Variants in C17orf67 observed in about 807,000 individuals in gnomAD.
C17orf67 encodes the protein uncharacterized protein C17orf67.
Under a neutral mutation model 11.2 loss-of-function variants are expected in C17orf67, and 12 were observed. That is an observed-to-expected ratio of 1.07 (90% CI 0.68 to 1.73). C17orf67 has a LOEUF of 1.73. C17orf67 is among the 40% of genes most tolerant of loss of function. C17orf67 has a pLI of 0.00. For missense variants in C17orf67, 115 were observed against 113.5 expected, an observed-to-expected ratio of 1.01 and a Z score of -0.06; for synonymous variants, 59 against 46.9, an observed-to-expected ratio of 1.26 and a Z score of -1.05.
intron 6 of C17orf67, among the ~76,000 whole-genome samples, chr17:56,807,844 C>T (rs1375143056): frequency 1.3e-5 from 2 of 151,510 alleles, no homozygotes; most frequent in African/African-American, 2.4e-5. Flanking sequence ...GAGCCATGAT[C>T]GCACCACTGC....
intron 6 of C17orf67, among the ~76,000 whole-genome samples, chr17:56,803,294 T>A (rs1399396632): frequency 6.6e-6 from 1 of 152,204 alleles, no homozygotes. Context: ...TTTACAGTAT[T>A]TATTAAATAG....
intron 4 of C17orf67, among the ~76,000 whole-genome samples, chr17:56,819,585 G>C (rs575025036): frequency 1.2e-4 from 19 of 152,300 alleles, no homozygotes; most frequent in African/African-American, 4.3e-4. Context: ...GCAAGTCTCG[G>C]GTGGGGAGGG....
chr17:56,794,293 A>T (rs139653216), intron 7 of C17orf67, among the ~76,000 whole-genome samples: 74 of 152,296 alleles, frequency 4.9e-4, no homozygotes, highest in African/African-American at 1.8e-3. Context: ...CACAAAGATA[A>T]ACTACCTGAT....
Position 56,833,665 on chromosome 17 carries a change from C to A in C17orf67, c.-1049G>T, listed in dbSNP as rs1906330682. On this transcript the variant is annotated 5_prime_UTR_variant, in exon 1 of 8. Coordinates refer to ENST00000397861, the MANE Select transcript of C17orf67 (RefSeq NM_001085430.4). ...GGGCGGTGCCGCGCAGGCCGCCTCC[C>A]CCCCTCGCTTCCCAGTCGGCTTACG... The A allele has an allele frequency of 6.6e-6, 1 of 151,998 alleles. No individual in the cohort carries two copies. The highest frequency in any genetic ancestry group is 2.1e-4 in the South Asian group (1 of 4,834). 9.4% of individuals were successfully genotyped at this position (151,998 alleles called of 1,614,324 possible). A position where few individuals can be genotyped will look rare whatever the true frequency, so the allele number is the denominator to read the frequency against.
chr17:56,811,576 G>C (rs1905628054), intron 6 of C17orf67, among the ~76,000 whole-genome samples: 1 of 151,910 alleles, frequency 6.6e-6, no homozygotes, highest in South Asian at 2.1e-4. Flanking sequence ...CAGAGCCGCA[G>C]TCCATTGTAC....
At chr17:56,831,672 A>G (rs1447769392) in intron 2 of C17orf67, among the ~76,000 whole-genome samples, 1 of 152,182 alleles carries the variant, frequency 6.6e-6, no homozygotes, top group East Asian at 1.9e-4. Context: ...AAAAGCCTCA[A>G]GAGTGACCTC....
intron 6 of C17orf67, among the ~76,000 whole-genome samples, chr17:56,810,128 GCA>G (rs1331893476): frequency 2.2e-4 from 15 of 67,156 alleles, no homozygotes; most frequent in Admixed American, 6.5e-4. Flanking sequence ...CACACTCCTT[GCA>G]CAGACCCCTC....
chr17:56,813,820 AT>A (rs1014920614), intron 6 of C17orf67, among the ~76,000 whole-genome samples: 2 of 151,248 alleles, frequency 1.3e-5, no homozygotes, highest in African/African-American at 4.8e-5. Context: ...TTACATTATT[AT>A]TTATAATAAT....
intron 6 of C17orf67, among the ~76,000 whole-genome samples, chr17:56,810,121 A>G (rs1265669685): frequency 1.2e-5 from 1 of 81,800 alleles, no homozygotes; most frequent in East Asian, 3.3e-4. Flanking sequence ...ACACCCTCAC[A>G]CTCCTTGCAC....
chr17:56,807,334 G>T (rs1905477502), intron 6 of C17orf67, among the ~76,000 whole-genome samples: 1 of 152,220 alleles, frequency 6.6e-6, no homozygotes, highest in African/African-American at 2.4e-5. Context: ...AACGTGTACT[G>T]GTTCCCAGTC....
At chr17:56,809,947 ACATACTCCTCACT>A (rs1315217098) in intron 6 of C17orf67, among the ~76,000 whole-genome samples, 35 of 138,382 alleles carry the variant, frequency 2.5e-4, no homozygotes, top group African/African-American at 9.8e-4. Context: ...TACTCCTCAC[ACATACTCCTCACT>A]CACCTCACAC....
At chr17:56,828,799 A>G (rs900474834) in intron 2 of C17orf67, among the ~76,000 whole-genome samples, 1 of 150,390 alleles carries the variant, frequency 6.6e-6, no homozygotes, top group Admixed American at 6.7e-5. Context: ...TTGCAGAAAC[A>G]CTGGATTCAC....
chr17:56,814,864 C>T lies in C17orf67; in HGVS notation c.156+5G>A, dbSNP rs1202007609. On this transcript the variant is annotated splice_donor_5th_base_variant and intron_variant, in intron 6 of 7. Transcript: ENST00000397861. The stretch of plus-strand genomic sequence containing the variant: ...TCTTTAAAACTGCCAGAGCAAAGCA[C>T]TCACCCGCATTGGCTCATCGGGGAA... 13 of 1,613,278 alleles carry T rather than the reference C, an allele frequency of 8.1e-6. No individual in the cohort carries two copies. Among genetic ancestry groups the T allele is most frequent in the African/African-American group, 1.3e-5 (1 of 74,900 alleles).
At chr17:56,830,929 G>C (rs990547359) in intron 2 of C17orf67, among the ~76,000 whole-genome samples, 3 of 152,230 alleles carry the variant, frequency 2.0e-5, no homozygotes, top group African/African-American at 7.2e-5. Context: ...GGGTAGAACT[G>C]ACAATAGCCC....
chr17:56,794,796 G>A lies in C17orf67; in HGVS notation c.*20+248C>T, dbSNP rs528195825. Reference sequence around the variant, plus strand: ...TTTTCTGCATGGCAAATAGGGTCACGTCCCTCCCCATTCGGGATCACTTTG... The same window carrying A: ...TTTTCTGCATGGCAAATAGGGTCACATCCCTCCCCATTCGGGATCACTTTG... On this transcript the variant is annotated intron_variant, in intron 7 of 7. Transcript: ENST00000397861. Among the ~76,000 whole-genome samples the A allele has an allele frequency of 3.9e-4, 59 of 152,258 alleles. 1 individual carries two copies. The highest frequency in any genetic ancestry group is 1.3e-3 in the African/African-American group (53 of 41,552).
chr17:56,806,815 A>G (rs530666569), intron 6 of C17orf67, among the ~76,000 whole-genome samples: 9 of 152,352 alleles, frequency 5.9e-5, no homozygotes, highest in African/African-American at 1.9e-4. Flanking sequence ...CAAGACAGGA[A>G]GTAGGGAGAC....
At chr17:56,796,435 C>T (rs1738941924) in intron 6 of C17orf67, among the ~76,000 whole-genome samples, 1 of 152,158 alleles carries the variant, frequency 6.6e-6, no homozygotes. Flanking sequence ...GTGACAGAAG[C>T]CACTTAGGAC....
intron 6 of C17orf67, chr17:56,803,858 TA>T (rs1905383138): frequency 6.6e-6 from 1 of 152,256 alleles, no homozygotes; most frequent in South Asian, 2.1e-4. Flanking sequence ...GACATTTCAC[TA>T]TTTATTTAAA....
At chr17:56,821,990 C>T (rs1448176042) in intron 4 of C17orf67, among the ~76,000 whole-genome samples, 1 of 152,208 alleles carries the variant, frequency 6.6e-6, no homozygotes, top group Non-Finnish European at 1.5e-5. Flanking sequence ...TCAGAATTAG[C>T]TTACATGCAA....
Sources: gnomAD v4.1 joint callset for allele counts (sites outside exome capture counted in the v4.1 genomes callset) on GRCh38, gnomAD v4.1.1 for gene constraint, MANE v1.5 for transcripts, NCBI Gene and HGNC (gene_info 2026-07-23, HGNC 2026-07-21) for gene names.